Variants in TNKS observed in about 807,000 individuals in gnomAD.
The protein encoded by TNKS is tankyrase, also known as poly [ADP-ribose] polymerase tankyrase-1.
A neutral mutation model predicts 135.8 loss-of-function variants in TNKS; 72 were observed. That is an observed-to-expected ratio of 0.53 (90% CI 0.44 to 0.64). The LOEUF is 0.64. TNKS is among the 30% of genes least tolerant of loss of function. TNKS has a pLI of 0.00. For synonymous variants in TNKS, 849 were observed against 649.3 expected, an observed-to-expected ratio of 1.31 and a Z score of -4.68; for missense variants, 1,769 against 1,674.0, an observed-to-expected ratio of 1.06 and a Z score of -0.99.
chr8:9,606,970 C>G (rs1312248267), intron 2 of TNKS, among the ~76,000 whole-genome samples: 1 of 151,998 alleles, frequency 6.6e-6, no homozygotes, highest in Non-Finnish European at 1.5e-5. Flanking sequence ...CTTGTTTTGC[C>G]TCGGTTTTGG....
At chr8:9,610,108 C>T (rs369904178) in intron 2 of TNKS, among the ~76,000 whole-genome samples, 3 of 152,256 alleles carry the variant, frequency 2.0e-5, no homozygotes, top group South Asian at 2.1e-4. Context: ...ATGCTCACCT[C>T]AGCCTTCCAA....
intron 20 of TNKS, among the ~76,000 whole-genome samples, chr8:9,760,949 C>T (rs1215457582): frequency 6.6e-6 from 1 of 152,192 alleles, no homozygotes; most frequent in African/African-American, 2.4e-5. Context: ...CTCTTTAAAA[C>T]AGTTTGTAAT....
chr8:9,587,587 A>G (rs1798435005), intron 2 of TNKS, among the ~76,000 whole-genome samples: 1 of 151,962 alleles, frequency 6.6e-6, no homozygotes. Context: ...TATTTTTAGT[A>G]GAAACGGGGT....
chr8:9,761,073 C>G (rs1473556766), intron 20 of TNKS, among the ~76,000 whole-genome samples: 1 of 152,144 alleles, frequency 6.6e-6, no homozygotes, highest in Non-Finnish European at 1.5e-5. Flanking sequence ...AAATTGCTTT[C>G]TCCTTTTCCT....
chr8:9,606,607 C>G (rs779742497), intron 2 of TNKS, among the ~76,000 whole-genome samples: 2 of 151,904 alleles, frequency 1.3e-5, no homozygotes, highest in Non-Finnish European at 2.9e-5. Flanking sequence ...AATTTATTTT[C>G]TTTAAGTCTT....
At chr8:9,669,185 G>A (rs1357963317) in intron 3 of TNKS, among the ~76,000 whole-genome samples, 1 of 151,904 alleles carries the variant, frequency 6.6e-6, no homozygotes, top group Non-Finnish European at 1.5e-5. Flanking sequence ...TTGGGAGGCC[G>A]AGGCGGGTGG....
At chr8:9,670,405 A>G (rs1215753933) in intron 3 of TNKS, among the ~76,000 whole-genome samples, 3 of 152,210 alleles carry the variant, frequency 2.0e-5, no homozygotes, top group African/African-American at 7.2e-5. Context: ...CTGTATGTAG[A>G]GGGCATGAAG....
At chr8:9,735,354 T>C in intron 16 of TNKS, 23 bp from the exon 17 acceptor site, 1 of 1,599,730 alleles carries the variant, frequency 6.3e-7, no homozygotes, top group Non-Finnish European at 8.6e-7. Flanking sequence ...ACACGTTTCC[T>C]GTATTTTTTT....
intron 1 of TNKS, 139 bp downstream of exon 1, chr8:9,556,751 G>T: frequency 4.2e-6 from 4 of 950,206 alleles, no homozygotes; most frequent in Non-Finnish European, 6.1e-6. Context: ...AAGACTGGAG[G>T]TTCCTTTCTT....
At chr8:9,583,184 A>T (rs983296840) in intron 2 of TNKS, among the ~76,000 whole-genome samples, 3 of 149,032 alleles carry the variant, frequency 2.0e-5, no homozygotes, top group Non-Finnish European at 3.0e-5. Context: ...AAAAAAAAAA[A>T]GTCCATTTAG....
At chr8:9,605,159 G>T (rs892324026) in intron 2 of TNKS, among the ~76,000 whole-genome samples, 1 of 151,914 alleles carries the variant, frequency 6.6e-6, no homozygotes, top group Non-Finnish European at 1.5e-5. Context: ...AAGTTGTCTG[G>T]TGCCCATCTG....
chr8:9,773,585 T>C (rs1025851049), intron 26 of TNKS, among the ~76,000 whole-genome samples: 2 of 152,180 alleles, frequency 1.3e-5, no homozygotes, highest in East Asian at 1.9e-4. Context: ...TAATAAGGAA[T>C]ACTTAGAAGA....
chr8:9,680,784 C>G lies in TNKS; in HGVS notation c.1091C>G (p.Ala364Gly). 6.2e-7 allele frequency: 1 copy of G among 1,611,950 alleles called. No homozygotes were observed. Among genetic ancestry groups the G allele is most frequent in the Non-Finnish European group, 8.5e-7 (1 of 1,178,784 alleles). ...ACTCCTCTAAATGTGAATTGCCATG[C>G]AAGTGATGGGCGAAAGGTAAGTTAT... is the stretch of plus-strand genomic sequence containing the variant. ...LLTPLNVNCH[A>G]SDGRKSTPLH... The change falls in exon 5 of 27, where the codon GCA (alanine) becomes GGA (glycine). Residue 364 changes from alanine (A) to glycine (G), a missense_variant. This residue lies in a region of TNKS where 523 missense variants were observed against 541.0 expected (regional missense o/e 0.97). Transcript: ENST00000310430.
intron 13 of TNKS, among the ~76,000 whole-genome samples, chr8:9,729,337 G>A (rs4419813): frequency 0.7 from 106,543 of 152,018 alleles, 37,863 homozygotes; most frequent in Admixed American, 0.8. Context: ...AAATTTTTCA[G>A]GTTCTTAATT....
At chr8:9,634,601 A>G (rs1289214012) in intron 3 of TNKS, among the ~76,000 whole-genome samples, 1 of 152,242 alleles carries the variant, frequency 6.6e-6, no homozygotes, top group Non-Finnish European at 1.5e-5. Context: ...TAGAAGAAGA[A>G]GATACAAATG....
intron 1 of TNKS, among the ~76,000 whole-genome samples, chr8:9,568,403 G>T (rs1797631555): frequency 6.6e-6 from 1 of 152,080 alleles, no homozygotes; most frequent in South Asian, 2.1e-4. Context: ...TGGTCTCACT[G>T]CTTTTTCACA....
chr8:9,611,299 C>T (rs1314397336), intron 2 of TNKS, among the ~76,000 whole-genome samples: 3 of 152,160 alleles, frequency 2.0e-5, no homozygotes, highest in African/African-American at 4.8e-5. Context: ...CCATAGTACC[C>T]TTGAATTTAT....
chr8:9,663,548 A>T (rs1801837597), intron 3 of TNKS, among the ~76,000 whole-genome samples: 1 of 152,152 alleles, frequency 6.6e-6, no homozygotes, highest in Non-Finnish European at 1.5e-5. Flanking sequence ...CTTGGAATTA[A>T]CGTCAGATCC....
intron 3 of TNKS, among the ~76,000 whole-genome samples, chr8:9,673,782 G>C (rs769147247): frequency 2.1e-4 from 32 of 151,916 alleles, no homozygotes; most frequent in Middle Eastern, 3.2e-3. Context: ...GGGTCGGGGG[G>C]TTCATTTCCG....
Sources: gnomAD v4.1 joint callset for allele counts (sites outside exome capture counted in the v4.1 genomes callset) on GRCh38, gnomAD v4.1.1 for gene constraint, gnomAD v4.1.1 regional missense constraint, MANE v1.5 for transcripts, NCBI Gene and HGNC (gene_info 2026-07-23, HGNC 2026-07-21) for gene names.